Variants in PLOD2 observed in about 807,000 individuals in gnomAD.
PLOD2 encodes procollagen-lysine,2-oxoglutarate 5-dioxygenase 2, also known as lysine hydroxylase 2.
PLOD2 carries 65 observed loss-of-function variants against 101.0 expected under a neutral mutation model. That is an observed-to-expected ratio of 0.64 (90% CI 0.53 to 0.79). The LOEUF (loss-of-function observed/expected upper bound fraction) is 0.79. PLOD2 is among the 30% of genes least tolerant of loss of function. PLOD2 has a pLI of 0.00. For synonymous variants in PLOD2, 314 were observed against 302.9 expected (o/e 1.04, Z -0.38); for missense variants, 909 against 914.6 (o/e 0.99, Z 0.08).
chr3:146,155,329 A>AATTAATT (rs1553743353), intron 1 of PLOD2, among the ~76,000 whole-genome samples: 1 of 150,628 alleles, frequency 6.6e-6, no homozygotes, highest in African/African-American at 2.4e-5. Context: ...GTCTATAAAT[A>AATTAATT]AATTAATTAA....
chr3:146,112,414 CA>C (rs1937680215), intron 3 of PLOD2, among the ~76,000 whole-genome samples: 1 of 151,920 alleles, frequency 6.6e-6, no homozygotes, highest in Non-Finnish European at 1.5e-5. Context: ...AACCAAACAC[CA>C]CGTGTTCTCA....
chr3:146,069,623 G>T lies in PLOD2; in HGVS notation c.*1094C>A, dbSNP rs1291963208. 6.6e-6 allele frequency: 1 copy of T among 151,918 alleles called. No individual in the cohort carries two copies. Among genetic ancestry groups the T allele is most frequent in the Non-Finnish European group, 1.5e-5 (1 of 67,798 alleles). The allele number at this position is 151,918 out of a possible 1,614,324, so 9.4% of individuals were successfully genotyped here. A position where few individuals can be genotyped will look rare whatever the true frequency, so the allele number is the denominator to read the frequency against. On this transcript the variant is annotated 3_prime_UTR_variant, in exon 20 of 20. Coordinates refer to ENST00000282903, the MANE Select transcript of PLOD2 (RefSeq NM_182943.3). The stretch of plus-strand genomic sequence containing the variant: ...CATCAAGTCAACAAGTATTTTTGTT[G>T]GAGAATTTTTTTATAAGCGGGATAG...
At chr3:146,082,433 G>A (rs1420318123) in intron 11 of PLOD2, among the ~76,000 whole-genome samples, 2 of 152,116 alleles carry the variant, frequency 1.3e-5, no homozygotes, top group African/African-American at 4.8e-5. Flanking sequence ...AATGACTTGT[G>A]ATTACAGTAA....
intron 1 of PLOD2, among the ~76,000 whole-genome samples, chr3:146,153,399 A>T (rs1483433103): frequency 6.6e-6 from 1 of 152,190 alleles, no homozygotes; most frequent in Non-Finnish European, 1.5e-5. Context: ...ATGCATTTTA[A>T]AAGACCTAAA....
At chr3:146,102,642 C>A in intron 7 of PLOD2, 113 bp downstream of exon 7, 1 of 658,826 alleles carries the variant, frequency 1.5e-6, no homozygotes, top group Non-Finnish European at 2.7e-6. Context: ...TTTATTTTAG[C>A]ACCAAAATAA....
intron 1 of PLOD2, among the ~76,000 whole-genome samples, chr3:146,130,494 T>G (rs755650583): frequency 1.3e-5 from 2 of 152,206 alleles, no homozygotes; most frequent in Non-Finnish European, 2.9e-5. Flanking sequence ...TGCTCACAAT[T>G]AGACCTCCAG....
intron 1 of PLOD2, among the ~76,000 whole-genome samples, chr3:146,151,293 T>C (rs1012118699): frequency 4.6e-5 from 7 of 150,708 alleles, no homozygotes; most frequent in African/African-American, 1.5e-4. Flanking sequence ...AGGTTGGGAG[T>C]TCAAGACCAG....
intron 1 of PLOD2, among the ~76,000 whole-genome samples, chr3:146,160,045 A>T (rs2032494503): frequency 6.6e-6 from 1 of 152,360 alleles, no homozygotes; most frequent in Middle Eastern, 3.4e-3. Context: ...AAAACAAAAC[A>T]AAACAAAAAG....
intron 13 of PLOD2, 81 bp from the exon 14 acceptor site, chr3:146,078,005 A>G (rs2108004137): frequency 2.4e-6 from 2 of 825,246 alleles, no homozygotes; most frequent in Non-Finnish European, 4.3e-6. Context: ...AAATAATAGC[A>G]GCTGTTGATC....
At position 146,152,937 on chromosome 3, in the gene PLOD2, C is replaced by A. The variant is rs892670113; in HGVS notation, c.109+7944G>T. Reference sequence around the variant, plus strand: ...TAGTAAAGTCACTGTTTAAAAAATTCCAACCTTGTCTAAACTAAACTAAGA... The same window carrying A: ...TAGTAAAGTCACTGTTTAAAAAATTACAACCTTGTCTAAACTAAACTAAGA... On this transcript the variant is annotated intron_variant, in intron 1 of 19. Transcript: ENST00000282903. 2.0e-5 allele frequency among the ~76,000 whole-genome samples: 3 copies of A among 152,298 alleles called. No individual in the cohort carries two copies. In the South Asian group the frequency reaches 6.2e-4, roughly 32 times the overall value.
In PLOD2 at chr3:146,070,767, G is replaced by T; in HGVS notation, c.2227C>A (p.Pro743Thr). The change falls in exon 20 of 20, where the codon CCT becomes ACT. Residue 743 changes from proline (P) to threonine (T), a missense_variant. Transcript: ENST00000282903. ...GRLTHLHEGL[P>T]VKNGTRYIAV... Reference sequence around the variant, plus strand: ...ATGTATCTTGTTCCATTTTTAACAGGAAGTCCTTCATGCAAATGTGTGAGT... The same window carrying T: ...ATGTATCTTGTTCCATTTTTAACAGTAAGTCCTTCATGCAAATGTGTGAGT... 6.2e-7 allele frequency: 1 copy of T among 1,609,290 alleles called. No individual in the cohort carries two copies. The highest frequency in any genetic ancestry group is 8.5e-7 in the Non-Finnish European group (1 of 1,176,380).
At chr3:146,159,992 T>A (rs1463456161) in intron 1 of PLOD2, among the ~76,000 whole-genome samples, 1 of 152,082 alleles carries the variant, frequency 6.6e-6, no homozygotes, top group Non-Finnish European at 1.5e-5. Flanking sequence ...AAGCACTCTA[T>A]TATAAACTTG....
intron 3 of PLOD2, among the ~76,000 whole-genome samples, chr3:146,118,692 CAA>C (rs1189548211): frequency 6.6e-6 from 1 of 151,758 alleles, no homozygotes; most frequent in South Asian, 2.1e-4. Context: ...AAGAAGATGG[CAA>C]AAAAGAGTGG....
intron 1 of PLOD2, among the ~76,000 whole-genome samples, chr3:146,160,055 G>C (rs958266448): frequency 6.6e-6 from 1 of 152,106 alleles, no homozygotes; most frequent in Non-Finnish European, 1.5e-5. Context: ...AAAACAAAAA[G>C]GACATTAGAA....
At chr3:146,136,749 C>T (rs770833738) in intron 1 of PLOD2, among the ~76,000 whole-genome samples, 4 of 152,172 alleles carry the variant, frequency 2.6e-5, no homozygotes, top group Admixed American at 2.6e-4. Flanking sequence ...CCTAAATATT[C>T]GGTACAGTAA....
rs1248036594 is a variant in PLOD2 at position 146,069,726 on chromosome 3, C to G, written c.*991G>C. The G allele has an allele frequency of 1.3e-5, 2 of 151,704 alleles. No homozygotes were observed. The highest frequency in any genetic ancestry group is 3.9e-4 in the East Asian group (2 of 5,146). 9.4% of individuals were successfully genotyped at this position (151,704 alleles called of 1,614,324 possible). ...GATAAAAAAGCAAATAACCCTCCCCCCAAAAAAAGAATAAGGAGCGAGACA... is the reference window on the plus strand; with the variant it reads ...GATAAAAAAGCAAATAACCCTCCCCGCAAAAAAAGAATAAGGAGCGAGACA... On this transcript the variant is annotated 3_prime_UTR_variant, in exon 20 of 20. Transcript: ENST00000282903.
At chr3:146,160,738 G>T (rs751502752) in intron 1 of PLOD2, 143 bp downstream of exon 1, 6 of 624,456 alleles carry the variant, frequency 9.6e-6, no homozygotes, top group African/African-American at 1.8e-5. Context: ...CCGCAATTCT[G>T]GGGAAGACCC....
intron 2 of PLOD2, 93 bp from the exon 3 acceptor site, chr3:146,121,341 T>C (rs909872858): frequency 1.9e-6 from 2 of 1,030,276 alleles, no homozygotes; most frequent in Non-Finnish European, 3.1e-6. Flanking sequence ...TGAACAGTAC[T>C]GTACCGTAAC....
intron 1 of PLOD2, among the ~76,000 whole-genome samples, chr3:146,129,558 T>C (rs1310263853): frequency 6.6e-6 from 1 of 152,122 alleles, no homozygotes; most frequent in Non-Finnish European, 1.5e-5. Flanking sequence ...CTGACAGTAT[T>C]TCCATGAGAG....
Sources: gnomAD v4.1 joint callset for allele counts (sites outside exome capture counted in the v4.1 genomes callset) on GRCh38, gnomAD v4.1.1 for gene constraint, MANE v1.5 for transcripts, NCBI Gene and HGNC (gene_info 2026-07-23, HGNC 2026-07-21) for gene names.